NIN: variants seen among roughly 807,000 people sequenced by gnomAD.
NIN encodes the protein ninein, also known as glycogen synthase kinase 3 beta-interacting protein.
NIN carries 137 observed loss-of-function variants against 257.6 expected under a neutral mutation model. That is an observed-to-expected ratio of 0.53 (90% confidence interval 0.46 to 0.61). NIN has a LOEUF of 0.61. Ranked by LOEUF, NIN falls within the 20% of genes least tolerant of loss-of-function variation. The pLI is 0.00. For missense variants in NIN, 2,439 were observed against 2,501.2 expected (o/e 0.98, Z 0.53); for synonymous variants, 918 against 919.8 (o/e 1.00, Z 0.04).
Position 50,758,373 on chromosome 14 carries a change from G to A in NIN, c.2657C>T (p.Thr886Ile), listed in dbSNP as rs768180933. The A allele has an allele frequency of 2.5e-6, 4 of 1,614,130 alleles. No individual in the cohort carries two copies. The highest frequency in any genetic ancestry group is 3.4e-6 in the Non-Finnish European group (4 of 1,180,034). The change falls in exon 18 of 31, where the codon ACT (threonine) becomes ATT (isoleucine). Residue 886 changes from threonine to isoleucine, a missense_variant. Physicochemically the swap from Thr to Ile is moderately conservative, Grantham distance 89. This residue lies in a region of NIN where 2,043 missense variants were observed against 2,050.2 expected (regional missense o/e 1.00). Transcript: ENST00000530997. ...TCTCTCCTGGGTCAGGACCAGAGAAGTTGTTTTCTCTCTCTTAAGAGTCTC... is the reference window on the plus strand; with the variant it reads ...TCTCTCCTGGGTCAGGACCAGAGAAATTGTTTTCTCTCTCTTAAGAGTCTC... ...LKETLKREKT[T>I]SLVLTQEREM...
intron 3 of NIN, among the ~76,000 whole-genome samples, chr14:50,813,745 A>G (rs2044749927): frequency 6.6e-6 from 1 of 152,250 alleles, no homozygotes; most frequent in Non-Finnish European, 1.5e-5. Flanking sequence ...ACTACTGGAA[A>G]TAGACCCAAG....
intron 3 of NIN, among the ~76,000 whole-genome samples, chr14:50,817,586 C>T (rs1182447909): frequency 6.6e-6 from 1 of 152,196 alleles, no homozygotes; most frequent in Non-Finnish European, 1.5e-5. Flanking sequence ...GGTGATTCTG[C>T]TGCCTGGAGG....
At chr14:50,800,588 A>T (rs2044054918) in intron 4 of NIN, among the ~76,000 whole-genome samples, 1 of 152,306 alleles carries the variant, frequency 6.6e-6, no homozygotes, top group Admixed American at 6.5e-5. Context: ...TGAGAGTAGC[A>T]TGGATTAGCC....
chr14:50,821,241 G>A (rs1394807978), intron 3 of NIN, among the ~76,000 whole-genome samples: 1 of 152,050 alleles, frequency 6.6e-6, no homozygotes. Context: ...TTGGCAAGAG[G>A]AAAAAAAGAC....
intron 9 of NIN, chr14:50,772,088 G>T (rs1312873091): frequency 2.1e-6 from 1 of 476,046 alleles, no homozygotes; most frequent in East Asian, 3.1e-5. Context: ...TATTTCTCAT[G>T]TCAATAATCT....
intron 17 of NIN, 28 bp downstream of exon 17, chr14:50,759,829 G>T: frequency 6.3e-7 from 1 of 1,576,042 alleles, no homozygotes; most frequent in Non-Finnish European, 8.6e-7. Flanking sequence ...GGTGCCCCAG[G>T]TAGCTTCATT....
chr14:50,733,137 G>C (rs2140392859), intron 28 of NIN, among the ~76,000 whole-genome samples: 1 of 151,636 alleles, frequency 6.6e-6, no homozygotes, highest in South Asian at 2.1e-4. Context: ...CTGTTGCCTA[G>C]GCTGGAGTGC....
chr14:50,738,127 C>T lies in NIN; in HGVS notation c.5775+13G>A. On this transcript the variant is annotated intron_variant, in intron 27 of 30. Transcript: ENST00000530997. ...AGAACACAGATGTACGCCATATATT[C>T]TCAAAAACTCACCTTCCTGTTAGCA... 1.9e-6 allele frequency: 3 copies of T among 1,613,642 alleles called. 1 individual carries two copies. The South Asian group carries it at 3.3e-5, about 18-fold the overall frequency.
intron 12 of NIN, among the ~76,000 whole-genome samples, chr14:50,770,037 C>T (rs749628383): frequency 1.5e-4 from 22 of 151,328 alleles, no homozygotes; most frequent in Non-Finnish European, 2.9e-4. Flanking sequence ...ATGAGGGGGG[C>T]GGGCAGGCGA....
At chr14:50,751,599 C>T (rs2041792982) in intron 21 of NIN, among the ~76,000 whole-genome samples, 1 of 152,152 alleles carries the variant, frequency 6.6e-6, no homozygotes, top group African/African-American at 2.4e-5. Flanking sequence ...GGGTCTCACC[C>T]AGGCTAGAGT....
At chr14:50,737,495 CAAAAAAA>C (rs58386910) in intron 27 of NIN, among the ~76,000 whole-genome samples, 17 of 54,456 alleles carry the variant, frequency 3.1e-4, no homozygotes, top group East Asian at 1.3e-3. Context: ...TGTTACATAG[CAAAAAAA>C]AAAAAAAAAA....
chr14:50,830,602 C>G (rs2045660860), intron 1 of NIN, 85 bp from the exon 2 acceptor site: 1 of 167,424 alleles, frequency 6.0e-6, no homozygotes, highest in African/African-American at 2.4e-5. Context: ...GGGCGGGCGT[C>G]CTTCAAAAGG....
At chr14:50,805,321 G>C (rs1200771654) in intron 4 of NIN, among the ~76,000 whole-genome samples, 3 of 152,218 alleles carry the variant, frequency 2.0e-5, no homozygotes, top group South Asian at 2.1e-4. Context: ...AAACACAAAA[G>C]TCCATATTCT....
chr14:50,777,918 T>G (rs1489813971), intron 6 of NIN, among the ~76,000 whole-genome samples: 1 of 152,154 alleles, frequency 6.6e-6, no homozygotes, highest in Non-Finnish European at 1.5e-5. Context: ...CCTCAGAGGG[T>G]TGAAAGCAGT....
chr14:50,805,766 T>C (rs576242913), intron 4 of NIN, among the ~76,000 whole-genome samples: 37 of 152,320 alleles, frequency 2.4e-4, no homozygotes, highest in African/African-American at 8.4e-4. Flanking sequence ...AGAGTAAATT[T>C]AATCCTTTCA....
intron 17 of NIN, among the ~76,000 whole-genome samples, chr14:50,758,863 G>C (rs1040443740): frequency 2.0e-5 from 3 of 152,116 alleles, no homozygotes; most frequent in African/African-American, 7.2e-5. Context: ...CTGGAGTTAG[G>C]GGGAAATCTT....
intron 3 of NIN, among the ~76,000 whole-genome samples, chr14:50,811,236 G>C (rs1242596213): frequency 6.6e-6 from 1 of 151,478 alleles, no homozygotes. Context: ...AGCCTCATGA[G>C]TAGCTGGGAT....
chr14:50,722,213 A>C lies in NIN; in HGVS notation c.*1250T>G, dbSNP rs1431746536. ...ATGTTGACTGTTCTATAAAGTTTTG[A>C]TCTTGAGCATGAGTGGAAAGTCCTA... On this transcript the variant is annotated 3_prime_UTR_variant, in exon 31 of 31. Coordinates refer to ENST00000530997, the MANE Select transcript of NIN (RefSeq NM_020921.4). 1 of 225,524 alleles carries C rather than the reference A, an allele frequency of 4.4e-6. No homozygotes were observed. The highest frequency in any genetic ancestry group is 8.8e-6 in the Non-Finnish European group (1 of 113,272). The allele number at this position is 225,524 out of a possible 1,614,324, so 14.0% of individuals were successfully genotyped here. A position where few individuals can be genotyped will look rare whatever the true frequency, so the allele number is the denominator to read the frequency against.
rs1224622047 is a variant in NIN, at chr14:50,721,233, G to A, written c.*2230C>T. 4.9e-6 allele frequency: 1 copy of A among 202,714 alleles called. No individual in the cohort carries two copies. Among genetic ancestry groups the A allele is most frequent in the East Asian group, 7.6e-5 (1 of 13,148 alleles). The allele number at this position is 202,714 out of a possible 1,614,324, so 12.6% of individuals were successfully genotyped here. On this transcript the variant is annotated 3_prime_UTR_variant, in exon 31 of 31. Transcript: ENST00000530997. ...ACCTAGATGTTGGTTAAATTCATTTGAGCAGCATTTTGATTTTGAATAGAG... is the reference window on the plus strand; with the variant it reads ...ACCTAGATGTTGGTTAAATTCATTTAAGCAGCATTTTGATTTTGAATAGAG...
Sources: allele counts gnomAD v4.1 joint callset (sites outside exome capture counted in the v4.1 genomes callset), GRCh38; gene constraint gnomAD v4.1.1; regional missense constraint gnomAD v4.1.1; transcripts MANE v1.5; gene names NCBI Gene and HGNC (gene_info 2026-07-23, HGNC 2026-07-21).